Variants in SPTLC3 observed in about 807,000 individuals in gnomAD.
SPTLC3 encodes serine palmitoyltransferase long chain base subunit 3.
In SPTLC3, 36 loss-of-function variants were observed where a neutral mutation model predicts 59.3. The observed-to-expected ratio is 0.61, with a 90% confidence interval of 0.47 to 0.80. The LOEUF (loss-of-function observed/expected upper bound fraction) is 0.80, where lower values mean the gene tolerates loss of function less well. Among genes scored for constraint, SPTLC3 ranks in the 30% least tolerant of loss-of-function variants. SPTLC3 has a pLI of 0.00. For missense variants in SPTLC3, 625 were observed against 685.1 expected (o/e 0.91, Z 0.98); for synonymous variants, 257 against 240.8 (o/e 1.07, Z -0.62).
At chr20:13,042,116 G>C (rs1340223109) in intron 1 of SPTLC3, among the ~76,000 whole-genome samples, 1 of 152,122 alleles carries the variant, frequency 6.6e-6, no homozygotes, top group Non-Finnish European at 1.5e-5. Context: ...GATCTTAAGA[G>C]GGCTCTTCAT....
intron 9 of SPTLC3, among the ~76,000 whole-genome samples, chr20:13,142,907 C>CCTCT (rs60555138): frequency 2.6e-5 from 4 of 151,674 alleles, no homozygotes; most frequent in Non-Finnish European, 4.4e-5. Context: ...AAATACCCCG[C>CCTCT]CTCTCTCTCT....
intron 4 of SPTLC3, among the ~76,000 whole-genome samples, chr20:13,075,033 T>A (rs1192948084): frequency 6.6e-6 from 1 of 152,092 alleles, no homozygotes; most frequent in African/African-American, 2.4e-5. Context: ...GGAAACCCAC[T>A]CATCTTCAAT....
At chr20:13,017,790 A>G (rs934866429) in intron 1 of SPTLC3, among the ~76,000 whole-genome samples, 29 of 152,216 alleles carry the variant, frequency 1.9e-4, no homozygotes, top group African/African-American at 7.0e-4. Context: ...GAGAGGTAGA[A>G]TCTAATTCTA....
chr20:13,141,689 G>A (rs1168203043), intron 9 of SPTLC3, among the ~76,000 whole-genome samples: 1 of 152,222 alleles, frequency 6.6e-6, no homozygotes, highest in Non-Finnish European at 1.5e-5. Flanking sequence ...TTGCCAGCTG[G>A]AGAGACCGAA....
intron 1 of SPTLC3, among the ~76,000 whole-genome samples, chr20:13,015,516 A>G (rs544954504): frequency 6.6e-6 from 1 of 152,332 alleles, no homozygotes; most frequent in South Asian, 2.1e-4. Context: ...ATAAGTGGAA[A>G]GGCATACAAC....
intron 11 of SPTLC3, among the ~76,000 whole-genome samples, chr20:13,161,041 T>G (rs1456852208): frequency 6.6e-6 from 1 of 152,154 alleles, no homozygotes; most frequent in Non-Finnish European, 1.5e-5. Flanking sequence ...GGATCTAAGA[T>G]GTAGCTATTT....
intron 1 of SPTLC3, among the ~76,000 whole-genome samples, chr20:13,020,373 A>C (rs1985814346): frequency 6.6e-6 from 1 of 151,780 alleles, no homozygotes; most frequent in Admixed American, 6.6e-5. Context: ...AAAAAAGAAA[A>C]TTAATTAGCT....
intron 1 of SPTLC3, among the ~76,000 whole-genome samples, chr20:13,023,478 T>G (rs1439160901): frequency 1.3e-5 from 2 of 152,186 alleles, no homozygotes; most frequent in Non-Finnish European, 2.9e-5. Flanking sequence ...ATTTATGGAA[T>G]GAATAAAGAC....
At position 13,114,008 on chromosome 20, in the gene SPTLC3, G is replaced by A. The variant is rs563278105; in HGVS notation, c.933-3498G>A. On this transcript the variant is annotated intron_variant, in intron 7 of 11. Transcript: ENST00000399002. The stretch of plus-strand genomic sequence containing the variant: ...TGAGGCTCCGAGGCTTAGATTACTT[G>A]CCCCAGGACAGATAACCGAGATGAG... Among the ~76,000 whole-genome samples the A allele has an allele frequency of 2.2e-4, 33 of 152,278 alleles. No individual in the cohort carries two copies. In the South Asian group the frequency reaches 6.6e-3, roughly 31 times the overall value.
At chr20:13,086,010 G>T (rs1396958867) in intron 4 of SPTLC3, among the ~76,000 whole-genome samples, 1 of 151,986 alleles carries the variant, frequency 6.6e-6, no homozygotes, top group African/African-American at 2.4e-5. Flanking sequence ...CCAATCTATG[G>T]CTGTTATTGA....
intron 9 of SPTLC3, among the ~76,000 whole-genome samples, chr20:13,129,187 A>C (rs558026139): frequency 5.9e-5 from 9 of 152,240 alleles, no homozygotes; most frequent in African/African-American, 2.2e-4. Context: ...TTTGTAGTCG[A>C]GACGGGGTTT....
At position 13,034,449 on chromosome 20, in the gene SPTLC3, CTT is replaced by C. The variant is rs1217619991; in HGVS notation, c.118-14492_118-14491del. Among the ~76,000 whole-genome samples, 8 of 152,142 alleles carry C rather than the reference CTT, an allele frequency of 5.3e-5. No homozygotes were observed. The South Asian group carries it at 1.7e-3, about 32-fold the overall frequency. Reference sequence around the variant, plus strand: ...GGTACATACTTTTTTTTCCCAAACTCTTTTTGTTGATGGCCATCTCTAGGGAG... The same window carrying C: ...GGTACATACTTTTTTTTCCCAAACTCTTTGTTGATGGCCATCTCTAGGGAG... On this transcript the variant is annotated intron_variant, in intron 1 of 11. Coordinates refer to ENST00000399002, the MANE Select transcript of SPTLC3 (RefSeq NM_018327.4).
chr20:13,010,438 A>G lies in SPTLC3; in HGVS notation c.117+1054A>G, dbSNP rs139730824. Among the ~76,000 whole-genome samples the G allele has an allele frequency of 4.6e-3, 702 of 152,248 alleles. 10 individuals are homozygous for G. Among genetic ancestry groups the G allele is most frequent in the African/African-American group, 0.016 (676 of 41,528 alleles). Reference sequence around the variant, plus strand: ...TCAGTGAATTACATTCGTGTGTGCAATTGGAAGAGGCTAAAGGAGCTCTAG... The same window carrying G: ...TCAGTGAATTACATTCGTGTGTGCAGTTGGAAGAGGCTAAAGGAGCTCTAG... On this transcript the variant is annotated intron_variant, in intron 1 of 11. Coordinates refer to ENST00000399002, the MANE Select transcript of SPTLC3 (RefSeq NM_018327.4).
intron 7 of SPTLC3, among the ~76,000 whole-genome samples, chr20:13,112,695 T>C (rs1990302207): frequency 6.6e-6 from 1 of 152,166 alleles, no homozygotes; most frequent in Non-Finnish European, 1.5e-5. Context: ...ATGTTGACTT[T>C]AAATGAGACC....
intron 1 of SPTLC3, among the ~76,000 whole-genome samples, chr20:13,043,629 C>T (rs1164511636): frequency 1.3e-5 from 2 of 152,164 alleles, no homozygotes; most frequent in Non-Finnish European, 2.9e-5. Context: ...CTCAAGGGGT[C>T]GTGTTCCAGG....
In SPTLC3 at chr20:13,117,302, G is replaced by A. The variant is rs146499683; in HGVS notation, c.933-204G>A. On this transcript the variant is annotated intron_variant, in intron 7 of 11. Coordinates refer to ENST00000399002, the MANE Select transcript of SPTLC3 (RefSeq NM_018327.4). ...CCAAAAGCACTTAAATCCATTGAAT[G>A]TAAATTATTTTATCCAAGTAGCATA... Among the ~76,000 whole-genome samples, 31 of 152,318 alleles carry A rather than the reference G, an allele frequency of 2.0e-4. 1 individual carries two copies. The highest frequency in any genetic ancestry group is 2.6e-4 in the Admixed American group (4 of 15,300).
chr20:13,033,658 T>A (rs1249692495), intron 1 of SPTLC3, among the ~76,000 whole-genome samples: 2 of 152,194 alleles, frequency 1.3e-5, no homozygotes, highest in South Asian at 4.1e-4. Context: ...GACAATAGTG[T>A]TGAAATATTT....
intron 1 of SPTLC3, among the ~76,000 whole-genome samples, chr20:13,016,945 C>T (rs1287809311): frequency 1.3e-5 from 2 of 152,078 alleles, no homozygotes; most frequent in Non-Finnish European, 2.9e-5. Flanking sequence ...AAACAGAAAG[C>T]TTTAGTAACT....
At chr20:13,116,446 T>C (rs540771024) in intron 7 of SPTLC3, among the ~76,000 whole-genome samples, 13 of 152,316 alleles carry the variant, frequency 8.5e-5, no homozygotes, top group African/African-American at 3.1e-4. Flanking sequence ...TTCTGAGAAC[T>C]GATTACTGTC....
Sources: allele counts gnomAD v4.1 joint callset (sites outside exome capture counted in the v4.1 genomes callset), GRCh38; gene constraint gnomAD v4.1.1; transcripts MANE v1.5; gene names NCBI Gene and HGNC (gene_info 2026-07-23, HGNC 2026-07-21).